Variants in CSNK1D observed in about 807,000 individuals in gnomAD.
CSNK1D encodes casein kinase I isoform delta.
Under a neutral mutation model 46.6 loss-of-function variants are expected in CSNK1D, and 16 were observed. That is an observed-to-expected ratio of 0.34 (90% CI 0.23 to 0.52). The LOEUF (loss-of-function observed/expected upper bound fraction) is 0.52. Ranked by LOEUF, CSNK1D falls within the 20% of genes least tolerant of loss-of-function variation. The probability of loss-of-function intolerance (pLI) is 0.95; values close to 1 mark genes in which losing one functional copy is unlikely to be tolerated. For missense variants in CSNK1D, 398 were observed against 578.4 expected (o/e 0.69, Z 3.20); for synonymous variants, 276 against 228.2 (o/e 1.21, Z -1.89).
At chr17:82,242,442 G>A (rs1319051798), downstream of CSNK1D, among the ~76,000 whole-genome samples, 1 of 152,160 alleles carries the variant, frequency 6.6e-6, no homozygotes, top group African/African-American at 2.4e-5. Flanking sequence ...ACTTCTGTGT[G>A]CACAACAGAG....
Position 82,243,319 on chromosome 17 carries a change from G to A in CSNK1D, c.*1462C>T, listed in dbSNP as rs915981674. ...GAGTCCAAAGGGAACATCGTCCATC[G>A]TGATGGGGTCCAGCCGAAGTGCCCA... On this transcript the variant is annotated 3_prime_UTR_variant, in exon 9 of 9. Coordinates refer to ENST00000314028, the MANE Select transcript of CSNK1D (RefSeq NM_001893.6). 31 of 985,402 alleles carry A rather than the reference G, an allele frequency of 3.1e-5. No homozygotes were observed. Among genetic ancestry groups the A allele is most frequent in the African/African-American group, 3.5e-5 (2 of 57,228 alleles). 61.0% of individuals were successfully genotyped at this position (985,402 alleles called of 1,614,324 possible).
Position 82,251,802 on chromosome 17 carries a change from A to C in CSNK1D, c.737-275T>G, listed in dbSNP as rs1473630508. ...TCAGGAGATCAAGACCATCCTGGCTAACACAGTGAAACCCCATCTCTACTG... is the reference window on the plus strand; with the variant it reads ...TCAGGAGATCAAGACCATCCTGGCTCACACAGTGAAACCCCATCTCTACTG... On this transcript the variant is annotated intron_variant, in intron 5 of 8. Transcript: ENST00000314028. The surrounding 1 kb of genome is among the most constrained non-coding windows in gnomAD (Gnocchi z 4.5). 1 of 458,298 alleles carries C rather than the reference A, an allele frequency of 2.2e-6. No individual in the cohort carries two copies. The highest frequency in any genetic ancestry group is 4.4e-5 in the East Asian group (1 of 22,630). The allele number at this position is 458,298 out of a possible 1,614,324, so 28.4% of individuals were successfully genotyped here.
Position 82,252,895 on chromosome 17 carries a change from C to G in CSNK1D, c.565+121G>C. On this transcript the variant is annotated intron_variant, in intron 4 of 8. Transcript: ENST00000314028. This position sits in a 1 kb window ranked among gnomAD's most constrained non-coding sequence, Gnocchi z 4.6. ...GGCAGTCACGAGCCAGCCTGTCTGC[C>G]GCAAAGGTCTGATGACACGCTTGCA... 2 of 953,786 alleles carry G rather than the reference C, an allele frequency of 2.1e-6. No homozygotes were observed. Among genetic ancestry groups the G allele is most frequent in the South Asian group, 2.7e-5 (2 of 72,990 alleles). 59.1% of individuals were successfully genotyped at this position (953,786 alleles called of 1,614,324 possible).
intron 8 of CSNK1D, chr17:82,245,303 G>A (rs567268034): frequency 5.9e-4 from 169 of 288,818 alleles, no homozygotes; most frequent in African/African-American, 3.5e-3. Flanking sequence ...CCGAGCGCGC[G>A]TGGCCGCCGA....
downstream of CSNK1D, among the ~76,000 whole-genome samples, chr17:82,242,129 G>A (rs1029877176): frequency 6.6e-6 from 1 of 152,028 alleles, no homozygotes; most frequent in Non-Finnish European, 1.5e-5. Context: ...CACGAGCACA[G>A]GTTAGGAGTT....
In CSNK1D at chr17:82,253,815, G is replaced by C. The variant is rs1281425781; in HGVS notation, c.337-571C>G. 6.2e-4 allele frequency: 168 copies of C among 272,052 alleles called. 1 individual carries two copies. The highest frequency in any genetic ancestry group is 2.8e-4 in the Admixed American group (5 of 18,098). The allele number at this position is 272,052 out of a possible 1,614,324, so 16.9% of individuals were successfully genotyped here. The stretch of plus-strand genomic sequence containing the variant: ...CAGTGAGCTGAGCCGCCGGAGCCTC[G>C]AGAAGCCAGTGAGCTGAGCCGCCGG... On this transcript the variant is annotated intron_variant, in intron 3 of 8. Transcript: ENST00000314028.
At chr17:82,253,922 G>C (rs71375094) in intron 3 of CSNK1D, 13 of 240,904 alleles carry the variant, frequency 5.4e-5, no homozygotes, top group East Asian at 3.5e-4. Context: ...AGAAGCCAGT[G>C]AGCTGAGCCG....
chr17:82,241,082 G>A (rs1187387878), downstream of CSNK1D, among the ~76,000 whole-genome samples: 1 of 151,884 alleles, frequency 6.6e-6, no homozygotes, highest in East Asian at 1.9e-4. Context: ...AAGATCCCCT[G>A]ACCAGAGACA....
rs775119469 is a variant in CSNK1D, at chr17:82,244,023, C to T, written c.*758G>A. On this transcript the variant is annotated 3_prime_UTR_variant, in exon 9 of 9. Coordinates refer to ENST00000314028, the MANE Select transcript of CSNK1D (RefSeq NM_001893.6). ...TGCACCCCTGCCCCGCGGCAGCCTGCGGTCCCTAACTGCTCTCCGAGGGCC... is the reference window on the plus strand; with the variant it reads ...TGCACCCCTGCCCCGCGGCAGCCTGTGGTCCCTAACTGCTCTCCGAGGGCC... 7.0e-5 allele frequency: 69 copies of T among 987,164 alleles called. No individual in the cohort carries two copies. The highest frequency in any genetic ancestry group is 9.3e-5 in the South Asian group (2 of 21,512). 61.2% of individuals were successfully genotyped at this position (987,164 alleles called of 1,614,324 possible).
chr17:82,242,139 T>C (rs1438650799), downstream of CSNK1D, among the ~76,000 whole-genome samples: 1 of 148,028 alleles, frequency 6.8e-6, no homozygotes, highest in Non-Finnish European at 1.5e-5. Context: ...GGTTAGGAGT[T>C]GGTGCAGACC....
downstream of CSNK1D, among the ~76,000 whole-genome samples, chr17:82,242,482 C>T (rs532135007): frequency 1.3e-5 from 2 of 148,972 alleles, no homozygotes; most frequent in South Asian, 2.2e-4. Flanking sequence ...GAGGAGCAGT[C>T]GCCACCCCTC....
At chr17:82,267,149 A>G (rs1027413469) in intron 1 of CSNK1D, 1 of 151,888 alleles carries the variant, frequency 6.6e-6, no homozygotes, top group African/African-American at 2.4e-5. Flanking sequence ...AGCAGCCCAG[A>G]CAAAGCCCTG....
intron 2 of CSNK1D, among the ~76,000 whole-genome samples, chr17:82,260,743 G>A (rs2051317625): frequency 1.3e-5 from 2 of 149,654 alleles, no homozygotes; most frequent in Admixed American, 6.6e-5. Flanking sequence ...TGTACCGACT[G>A]ATGTGACTGA....
rs2051139097 is a variant in CSNK1D, at chr17:82,255,055, G to C, written c.336+374C>G. 1.9e-5 allele frequency: 7 copies of C among 367,944 alleles called. No individual in the cohort carries two copies. Among genetic ancestry groups the C allele is most frequent in the Admixed American group, 1.5e-4 (4 of 25,872 alleles). 22.8% of individuals were successfully genotyped at this position (367,944 alleles called of 1,614,324 possible). A position where few individuals can be genotyped will look rare whatever the true frequency, so the allele number is the denominator to read the frequency against. On this transcript the variant is annotated intron_variant, in intron 3 of 8. Transcript: ENST00000314028. The surrounding 1 kb of genome is among the most constrained non-coding windows in gnomAD (Gnocchi z 5.9). ...CGTCGGAGCCTCGAGAAGCCAGTGAGCTGAGCCGCCGGAGCCTCGAGAAGC... is the reference window on the plus strand; with the variant it reads ...CGTCGGAGCCTCGAGAAGCCAGTGACCTGAGCCGCCGGAGCCTCGAGAAGC...
In CSNK1D at chr17:82,251,729, G is replaced by T; in HGVS notation, c.737-202C>A. ...GTCACGGCCGGGTGCGGCGGCTCAC[G>T]CCTGTCACCCCAGCACTCTAGGAGG... On this transcript the variant is annotated intron_variant, in intron 5 of 8. Coordinates refer to ENST00000314028, the MANE Select transcript of CSNK1D (RefSeq NM_001893.6). The surrounding 1 kb of genome is among the most constrained non-coding windows in gnomAD (Gnocchi z 4.5). The T allele has an allele frequency of 1.6e-6, 1 of 632,810 alleles. No homozygotes were observed. The highest frequency in any genetic ancestry group is 3.0e-5 in the East Asian group (1 of 33,208). 39.2% of individuals were successfully genotyped at this position (632,810 alleles called of 1,614,324 possible).
intron 1 of CSNK1D, among the ~76,000 whole-genome samples, chr17:82,272,616 C>T (rs914549620): frequency 3.3e-5 from 5 of 152,186 alleles, no homozygotes; most frequent in African/African-American, 1.2e-4. Flanking sequence ...ACTCAGTCAC[C>T]GCTCCAAGGC....
downstream of CSNK1D, among the ~76,000 whole-genome samples, chr17:82,242,264 G>A (rs764230576): frequency 5.3e-5 from 8 of 152,194 alleles, no homozygotes; most frequent in South Asian, 2.1e-4. Context: ...CAGGGCCATC[G>A]GGCAGCTCCT....
In CSNK1D at chr17:82,273,693, C is replaced by T. The variant is rs2051705257; in HGVS notation, c.-312G>A. On this transcript the variant is annotated 5_prime_UTR_variant, in exon 1 of 9. Coordinates refer to ENST00000314028, the MANE Select transcript of CSNK1D (RefSeq NM_001893.6). The surrounding 1 kb of genome is among the most constrained non-coding windows in gnomAD (Gnocchi z 5.1). ...AGCTGCCTAAAGGAGCCGCCGCCAT[C>T]GCGCTGTGACGTCACTTCCCCTAGC... 8 of 498,004 alleles carry T rather than the reference C, an allele frequency of 1.6e-5. No individual in the cohort carries two copies. The highest frequency in any genetic ancestry group is 2.8e-5 in the Non-Finnish European group (8 of 285,308). The allele number at this position is 498,004 out of a possible 1,614,324, so 30.8% of individuals were successfully genotyped here. A position where few individuals can be genotyped will look rare whatever the true frequency, so the allele number is the denominator to read the frequency against.
Position 82,252,467 on chromosome 17 carries a change from T to G in CSNK1D, c.703A>C (p.Thr235Pro). ...CCTTTACACAACACTTCGATGGGGG[T>G]GGACATTTTCTTCTCGCTAATCCTT... ...YERISEKKMS[T>P]PIEVLCKGYP... The change falls in exon 5 of 9, where the codon ACC becomes CCC. Residue 235 changes from threonine (T) to proline (P), a missense_variant. Thr to Pro is a conservative substitution (Grantham distance 38). Coordinates refer to ENST00000314028, the MANE Select transcript of CSNK1D (RefSeq NM_001893.6). This position sits in a 1 kb window ranked among gnomAD's most constrained non-coding sequence, Gnocchi z 4.6. 6.2e-7 allele frequency: 1 copy of G among 1,613,912 alleles called. No homozygotes were observed. The highest frequency in any genetic ancestry group is 8.5e-7 in the Non-Finnish European group (1 of 1,179,962).
Sources: allele counts gnomAD v4.1 joint callset (sites outside exome capture counted in the v4.1 genomes callset), GRCh38; gene constraint gnomAD v4.1.1; non-coding constraint Gnocchi (gnomAD v3.1); transcripts MANE v1.5; gene names NCBI Gene and HGNC (gene_info 2026-07-23, HGNC 2026-07-21).